SLC14A2: variants seen among roughly 807,000 people sequenced by gnomAD.
SLC14A2 encodes urea transporter 2.
SLC14A2 carries 91 observed loss-of-function variants against 104.6 expected under a neutral mutation model. The observed-to-expected ratio is 0.87, with a 90% CI of 0.73 to 1.04. The LOEUF (loss-of-function observed/expected upper bound fraction) is 1.04, where lower values mean the gene tolerates loss of function less well. Among genes scored for constraint, SLC14A2 ranks in the 50% least tolerant of loss-of-function variants. SLC14A2 has a pLI of 0.00. For missense variants in SLC14A2, 1,189 were observed against 1,156.0 expected, an observed-to-expected ratio of 1.03 and a Z score of -0.41; for synonymous variants, 476 against 466.4, an observed-to-expected ratio of 1.02 and a Z score of -0.27.
At chr18:45,295,799 T>C (rs1362194879) in intron 1 of SLC14A2, among the ~76,000 whole-genome samples, 1 of 152,200 alleles carries the variant, frequency 6.6e-6, no homozygotes, top group Admixed American at 6.6e-5. Context: ...ACACTTTTCC[T>C]TTCTGGTCTC....
At chr18:45,348,172 C>T (rs1598705910) in intron 1 of SLC14A2, among the ~76,000 whole-genome samples, 1 of 152,232 alleles carries the variant, frequency 6.6e-6, no homozygotes, top group Non-Finnish European at 1.5e-5. Flanking sequence ...TGCACTGGCT[C>T]AAAGCCTGCA....
At chr18:45,509,741 CA>C (rs1285971110) in intron 2 of SLC14A2, among the ~76,000 whole-genome samples, 1 of 152,184 alleles carries the variant, frequency 6.6e-6, no homozygotes, top group Non-Finnish European at 1.5e-5. Flanking sequence ...AGGGAGGTTC[CA>C]GGGGCCAAAG....
At chr18:45,264,721 G>A (rs1219867691) in intron 1 of SLC14A2, among the ~76,000 whole-genome samples, 1 of 152,148 alleles carries the variant, frequency 6.6e-6, no homozygotes, top group Non-Finnish European at 1.5e-5. Context: ...AGAAAAATAT[G>A]GAGGAAACGG....
intron 2 of SLC14A2, among the ~76,000 whole-genome samples, chr18:45,514,788 C>T (rs997855755): frequency 2.6e-5 from 4 of 152,182 alleles, no homozygotes; most frequent in Admixed American, 2.6e-4. Context: ...GGGAAACACC[C>T]ATGTAGTAAC....
At chr18:45,177,647 C>T in the SLC14A2 span, among the ~76,000 whole-genome samples, 2 of 152,076 alleles carry the variant, frequency 1.3e-5, no homozygotes, top group South Asian at 2.1e-4. Context: ...TCCTTGATCA[C>T]TTCCAATATT....
chr18:45,334,965 C>A (rs1257165740), intron 1 of SLC14A2, among the ~76,000 whole-genome samples: 1 of 152,190 alleles, frequency 6.6e-6, no homozygotes, highest in Non-Finnish European at 1.5e-5. Flanking sequence ...AGTGCTCCCA[C>A]AAGAATTTTG....
At chr18:45,271,027 G>C (rs1369955969) in intron 1 of SLC14A2, among the ~76,000 whole-genome samples, 1 of 152,158 alleles carries the variant, frequency 6.6e-6, no homozygotes, top group Admixed American at 6.6e-5. Flanking sequence ...TGTGTGTAAG[G>C]TAAAACAATT....
At chr18:45,609,326 A>C (rs2044930611) in intron 2 of SLC14A2, among the ~76,000 whole-genome samples, 1 of 151,188 alleles carries the variant, frequency 6.6e-6, no homozygotes, top group Non-Finnish European at 1.5e-5. Flanking sequence ...AAAACTTCCC[A>C]ATCCTTTCAC....
intron 2 of SLC14A2, among the ~76,000 whole-genome samples, chr18:45,545,118 T>C (rs2043950557): frequency 6.6e-6 from 1 of 152,250 alleles, no homozygotes; most frequent in African/African-American, 2.4e-5. Flanking sequence ...AATGGTTACG[T>C]GATAATTTGT....
At chr18:45,265,746 C>T (rs1433182704) in intron 1 of SLC14A2, among the ~76,000 whole-genome samples, 2 of 152,174 alleles carry the variant, frequency 1.3e-5, no homozygotes, top group South Asian at 2.1e-4. Flanking sequence ...GCAAGCCCAT[C>T]ATTTGGGAAA....
chr18:45,595,965 T>C (rs958651963), intron 2 of SLC14A2, among the ~76,000 whole-genome samples: 10 of 152,164 alleles, frequency 6.6e-5, no homozygotes, highest in South Asian at 4.1e-4. Context: ...AGGGCCCACA[T>C]TGCTCATGCT....
At chr18:45,333,353 A>G (rs2144265120) in intron 1 of SLC14A2, among the ~76,000 whole-genome samples, 1 of 152,336 alleles carries the variant, frequency 6.6e-6, no homozygotes, top group Non-Finnish European at 1.5e-5. Flanking sequence ...GTAAATCTGT[A>G]GGAGTTATTA....
intron 1 of SLC14A2, among the ~76,000 whole-genome samples, chr18:45,245,669 T>C: frequency 6.6e-6 from 1 of 152,036 alleles, no homozygotes; most frequent in African/African-American, 2.4e-5. Flanking sequence ...GGAAGGTGTT[T>C]TCAGTAAGTG....
At chr18:45,407,086 TCTC>T (rs1787076393) in intron 1 of SLC14A2, among the ~76,000 whole-genome samples, 1 of 152,296 alleles carries the variant, frequency 6.6e-6, no homozygotes, top group South Asian at 2.1e-4. Flanking sequence ...GACATTGACT[TCTC>T]CTCCTGAGCT....
chr18:45,298,569 C>G lies in SLC14A2; in HGVS notation c.-125+85378C>G, dbSNP rs141151540. Among the ~76,000 whole-genome samples, 730 of 152,306 alleles carry G rather than the reference C, an allele frequency of 4.8e-3. 8 individuals are homozygous for G. Among genetic ancestry groups the G allele is most frequent in the African/African-American group, 0.017 (690 of 41,572 alleles). ...CCCATGGCCCTAATCACTTAATTTT[C>G]CTGCCTCCTGTTTAGATTAGTAAAC... is the stretch of plus-strand genomic sequence containing the variant. On this transcript the variant is annotated intron_variant, in intron 1 of 20. Coordinates refer to the SLC14A2 transcript ENST00000586448.
At chr18:45,468,620 G>GTT (rs1333483494) in intron 1 of SLC14A2, among the ~76,000 whole-genome samples, 1 of 152,030 alleles carries the variant, frequency 6.6e-6, no homozygotes, top group Non-Finnish European at 1.5e-5. Flanking sequence ...AAGGGCAGCA[G>GTT]TTTTTAAAAT....
intron 1 of SLC14A2, among the ~76,000 whole-genome samples, chr18:45,419,239 C>T (rs1296912745): frequency 2.6e-5 from 4 of 152,108 alleles, no homozygotes; most frequent in South Asian, 2.1e-4. Flanking sequence ...GGAATTGTGC[C>T]GGGAACCCAG....
intron 2 of SLC14A2, among the ~76,000 whole-genome samples, chr18:45,531,123 A>C (rs2043678833): frequency 6.6e-6 from 1 of 152,144 alleles, no homozygotes; most frequent in Non-Finnish European, 1.5e-5. Context: ...GGTTGGTTCC[A>C]AGTCTTTGCT....
intron 2 of SLC14A2, chr18:45,528,702 A>G (rs1392758566): frequency 6.6e-6 from 1 of 152,104 alleles, no homozygotes; most frequent in African/African-American, 2.4e-5. Flanking sequence ...CTGGCACTCA[A>G]GTTACTTAGA....
Sources: allele counts gnomAD v4.1 joint callset (sites outside exome capture counted in the v4.1 genomes callset), GRCh38; gene constraint gnomAD v4.1.1; transcripts MANE v1.5; gene names NCBI Gene and HGNC (gene_info 2026-07-23, HGNC 2026-07-21).